The following ANO5 variants were observed in gnomAD, a reference collection of about 807,000 sequenced individuals.
The protein encoded by ANO5 is anoctamin-5.
Under a neutral mutation model 121.0 loss-of-function variants are expected in ANO5, and 109 were observed. The ratio of observed to expected loss-of-function variants is 0.90; its 90% CI spans 0.77 to 1.06. The LOEUF (loss-of-function observed/expected upper bound fraction) is 1.06. Among genes scored for constraint, ANO5 ranks in the 50% least tolerant of loss-of-function variants. The pLI is 0.00. For synonymous variants in ANO5, 406 were observed against 359.9 expected, an observed-to-expected ratio of 1.13 and a Z score of -1.45; for missense variants, 1,064 against 1,078.5, an observed-to-expected ratio of 0.99 and a Z score of 0.19.
chr11:22,258,949 T>C (rs112015177), intron 14 of ANO5, among the ~76,000 whole-genome samples: 19,658 of 151,860 alleles, frequency 0.13, 3,651 homozygotes, highest in African/African-American at 0.41. Flanking sequence ...CTGGCTAACA[T>C]GGTGAAACCC....
At chr11:22,194,199 C>T (rs562883381) in intron 1 of ANO5, among the ~76,000 whole-genome samples, 1 of 152,324 alleles carries the variant, frequency 6.6e-6, no homozygotes, top group African/African-American at 2.4e-5. Flanking sequence ...CTTTACACCA[C>T]CTGTATTCCG....
At chr11:22,276,418 G>C (rs1389109598) in intron 21 of ANO5, among the ~76,000 whole-genome samples, 1 of 151,638 alleles carries the variant, frequency 6.6e-6, no homozygotes, top group Non-Finnish European at 1.5e-5. Flanking sequence ...TGACAGAAAA[G>C]GAAAGGAAAA....
At position 22,282,115 on chromosome 11, in the gene ANO5, C is replaced by A. The variant is rs940494715; in HGVS notation, c.*2350C>A. ...GGAGGGCTGCATTAAGAGCACCCAA[C>A]CACCACATGTAAGTTGATAATTACC... On this transcript the variant is annotated 3_prime_UTR_variant, in exon 22 of 22. Transcript: ENST00000324559. The A allele has an allele frequency of 3.3e-5, 5 of 152,078 alleles. No individual in the cohort carries two copies. The allele number at this position is 152,078 out of a possible 1,614,324, so 9.4% of individuals were successfully genotyped here.
rs1259831682 is a variant in ANO5, at chr11:22,221,842, A to G, written c.294+632A>G. On this transcript the variant is annotated intron_variant, in intron 5 of 21. Transcript: ENST00000324559. The stretch of plus-strand genomic sequence containing the variant: ...CACATATATGTGTGTGTGCATACAC[A>G]CACATTTACTTATGTACTTACAACA... Among the ~76,000 whole-genome samples, 3 of 152,004 alleles carry G rather than the reference A, an allele frequency of 2.0e-5. No individual in the cohort carries two copies. In the East Asian group the frequency reaches 5.8e-4, roughly 29 times the overall value.
At position 22,262,295 on chromosome 11, in the gene ANO5, A is replaced by G; in HGVS notation, c.1797A>G (p.Glu599=). 2 of 1,613,558 alleles carry G rather than the reference A, an allele frequency of 1.2e-6. No homozygotes were observed. The highest frequency in any genetic ancestry group is 1.1e-5 in the South Asian group (1 of 91,074). Residue 599 remains glutamate, a synonymous_variant, in exon 16 of 22, where the codon GAA becomes GAG. Coordinates refer to ENST00000324559, the MANE Select transcript of ANO5 (RefSeq NM_213599.3). ...YTYLFNEWRS[E]ECDPGGCLIE... ...ATTTATTTAATGAGTGGAGAAGTGA[A>G]GAGGTAAGAATTTCCTTGAGAGTTG...
At chr11:22,250,718 T>C in intron 10 of ANO5, 23 bp from the exon 11 acceptor site, 1 of 1,606,710 alleles carries the variant, frequency 6.2e-7, no homozygotes, top group Non-Finnish European at 8.5e-7. Flanking sequence ...CACTGTTCAA[T>C]AACTTTGCTG....
At chr11:22,251,819 G>A (rs1250034710) in intron 12 of ANO5, among the ~76,000 whole-genome samples, 1 of 151,620 alleles carries the variant, frequency 6.6e-6, no homozygotes, top group Non-Finnish European at 1.5e-5. Context: ...GAGGTCAGGA[G>A]ATCGAGATTA....
At position 22,283,316 on chromosome 11, in the gene ANO5, A is replaced by C. The variant is rs1365217082; in HGVS notation, c.*3551A>C. ...TAATGTGTACATAAATCTCAAGAGA[A>C]TCAAATTCACAGAGTGAATAAAGTA... On this transcript the variant is annotated 3_prime_UTR_variant, in exon 22 of 22. Coordinates refer to ENST00000324559, the MANE Select transcript of ANO5 (RefSeq NM_213599.3). 6.6e-6 allele frequency: 1 copy of C among 152,222 alleles called. No homozygotes were observed. Among genetic ancestry groups the C allele is most frequent in the African/African-American group, 2.4e-5 (1 of 41,464 alleles). 9.4% of individuals were successfully genotyped at this position (152,222 alleles called of 1,614,324 possible).
chr11:22,271,322 A>G (rs1854604555), intron 18 of ANO5, among the ~76,000 whole-genome samples: 1 of 152,202 alleles, frequency 6.6e-6, no homozygotes, highest in South Asian at 2.1e-4. Flanking sequence ...TGCTGGGATT[A>G]CAGGCGTGAG....
intron 21 of ANO5, among the ~76,000 whole-genome samples, chr11:22,277,328 T>C (rs1384180373): frequency 6.6e-6 from 1 of 151,654 alleles, no homozygotes; most frequent in Non-Finnish European, 1.5e-5. Context: ...AGCAGCAACA[T>C]ATGATCTAAT....
intron 8 of ANO5, among the ~76,000 whole-genome samples, chr11:22,236,841 G>A (rs973272595): frequency 5.3e-5 from 8 of 152,184 alleles, no homozygotes; most frequent in East Asian, 1.9e-4. Context: ...CAGGTGTTAT[G>A]ACAACTGATA....
At chr11:22,226,877 A>G (rs1009490465) in intron 6 of ANO5, among the ~76,000 whole-genome samples, 10 of 152,132 alleles carry the variant, frequency 6.6e-5, no homozygotes, top group African/African-American at 9.7e-5. Flanking sequence ...GGGTAAGAAG[A>G]GTGAGTACGT....
intron 20 of ANO5, among the ~76,000 whole-genome samples, chr11:22,275,253 T>C (rs1854795497): frequency 6.6e-6 from 1 of 151,880 alleles, no homozygotes; most frequent in Non-Finnish European, 1.5e-5. Flanking sequence ...GTGAACCTAC[T>C]GTTTTTACAC....
In ANO5 at chr11:22,193,444, CCT is replaced by C; in HGVS notation, c.-45_-44del. ...GATCTCCACGTCTGTCTCAGCTGCC[CCT>C]CTCCTGCTGCCTCTCAGGCACCAGT... On this transcript the variant is annotated 5_prime_UTR_variant, in exon 1 of 22. Transcript: ENST00000324559. The C allele has an allele frequency of 6.3e-7, 1 of 1,591,794 alleles. No individual in the cohort carries two copies. Among genetic ancestry groups the C allele is most frequent in the South Asian group, 1.1e-5 (1 of 87,362 alleles).
upstream of ANO5, chr11:22,192,869 T>C (rs990171896): frequency 4.1e-5 from 24 of 587,532 alleles, no homozygotes; most frequent in Non-Finnish European, 5.1e-5. Context: ...GGAGGCTGCA[T>C]GTCCGGAGGA....
At chr11:22,262,911 T>C in intron 16 of ANO5, 35 bp from the exon 17 acceptor site, 1 of 1,494,812 alleles carries the variant, frequency 6.7e-7, no homozygotes, top group Non-Finnish European at 9.3e-7. Context: ...CTTTGATCAT[T>C]CAATTCTGTT....
In ANO5 at chr11:22,263,017, T is replaced by A; in HGVS notation, c.1872T>A (p.Phe624Leu). 1 of 1,613,354 alleles carries A rather than the reference T, an allele frequency of 6.2e-7. No individual in the cohort carries two copies. The highest frequency in any genetic ancestry group is 8.5e-7 in the Non-Finnish European group (1 of 1,179,460). ...TTATAATGACCGGGAAACAGATTTT[T>A]GGAAACATTAAAGAAGCCATTTATC... ...LTIIMTGKQIFGNIKEAIYPL... is the reference protein window; with the variant it reads ...LTIIMTGKQILGNIKEAIYPL... Residue 624 changes from phenylalanine to leucine, a missense_variant, in exon 17 of 22, where the codon TTT becomes TTA. By Grantham distance (22) the Phe-to-Leu change is conservative (BLOSUM62 0). Transcript: ENST00000324559.
chr11:22,204,466 T>C (rs961176291), intron 2 of ANO5, among the ~76,000 whole-genome samples: 11 of 152,120 alleles, frequency 7.2e-5, no homozygotes, highest in African/African-American at 2.7e-4. Flanking sequence ...CTCACAGAGG[T>C]AGACGTCCTT....
Position 22,270,357 on chromosome 11 carries a change from T to C in ANO5, c.1944T>C (p.Ser648=), listed in dbSNP as rs1854562352. ...GACGCCGAAAAGCTCGGACAAACTC[T>C]GAGAAGCTGTATAGTCGATGGGAGC... ...WWRRRKARTN[S]EKLYSRWEQD... is the part of the protein sequence containing the mutation. The change falls in exon 18 of 22, where the codon TCT becomes TCC. Residue 648 remains serine (S), a synonymous_variant. Coordinates refer to ENST00000324559, the MANE Select transcript of ANO5 (RefSeq NM_213599.3). 6.2e-7 allele frequency: 1 copy of C among 1,614,122 alleles called. No individual in the cohort carries two copies. Among genetic ancestry groups the C allele is most frequent in the Non-Finnish European group, 8.5e-7 (1 of 1,179,996 alleles).
Sources: allele counts gnomAD v4.1 joint callset (sites outside exome capture counted in the v4.1 genomes callset), GRCh38; gene constraint gnomAD v4.1.1; transcripts MANE v1.5; gene names NCBI Gene and HGNC (gene_info 2026-07-23, HGNC 2026-07-21).